LHFPL3: variants seen among roughly 807,000 people sequenced by gnomAD.
The protein encoded by LHFPL3 is LHFPL tetraspan subfamily member 3.
A neutral mutation model predicts 19.3 loss-of-function variants in LHFPL3; 5 were observed. The ratio of observed to expected loss-of-function variants is 0.26; its 90% CI spans 0.14 to 0.54. The LOEUF is 0.54. Among genes scored for constraint, LHFPL3 ranks in the 20% least tolerant of loss-of-function variants. LHFPL3 has a pLI of 0.94. For synonymous variants in LHFPL3, 133 were observed against 126.2 expected (o/e 1.05, Z -0.36); for missense variants, 249 against 307.4 (o/e 0.81, Z 1.42).
intron 1 of LHFPL3, among the ~76,000 whole-genome samples, chr7:104,454,661 G>T (rs1272461820): frequency 6.6e-6 from 1 of 152,126 alleles, no homozygotes; most frequent in Non-Finnish European, 1.5e-5. Context: ...CAGGGTTATT[G>T]GGGTAAATCA....
intron 1 of LHFPL3, among the ~76,000 whole-genome samples, chr7:104,453,577 A>G (rs907187058): frequency 2.0e-5 from 3 of 152,158 alleles, no homozygotes; most frequent in African/African-American, 7.2e-5. Context: ...AAGAAAAGGG[A>G]GGTTTAGGGA....
At chr7:104,343,012 G>T (rs78840523) in intron 1 of LHFPL3, among the ~76,000 whole-genome samples, 2,690 of 66,574 alleles carry the variant, frequency 0.04, 68 homozygotes, top group African/African-American at 0.13. Flanking sequence ...TTTTTTTTTT[G>T]CAAATTCTCT....
intron 1 of LHFPL3, among the ~76,000 whole-genome samples, chr7:104,367,985 T>C (rs2116423716): frequency 6.6e-6 from 1 of 152,372 alleles, no homozygotes; most frequent in South Asian, 2.1e-4. Context: ...TAGAAACTTG[T>C]CATTGCAATT....
intron 1 of LHFPL3, among the ~76,000 whole-genome samples, chr7:104,554,632 TAGATAGAC>T (rs1357367470): frequency 7.8e-4 from 109 of 140,216 alleles, no homozygotes; most frequent in African/African-American, 1.4e-3. Flanking sequence ...TAGGATAGAT[TAGATAGAC>T]AGATAGATAG....
intron 2 of LHFPL3, among the ~76,000 whole-genome samples, chr7:104,890,402 C>G (rs1002933203): frequency 6.6e-5 from 10 of 152,206 alleles, no homozygotes; most frequent in Admixed American, 3.3e-4. Flanking sequence ...CATCCCCTTC[C>G]TCCCCCGCAT....
At chr7:104,719,553 G>A (rs1048801951) in intron 1 of LHFPL3, among the ~76,000 whole-genome samples, 4 of 152,080 alleles carry the variant, frequency 2.6e-5, no homozygotes, top group Non-Finnish European at 4.4e-5. Flanking sequence ...TTGGCACTAC[G>A]TGTAAAATGA....
chr7:104,672,010 TC>T (rs1362922552), intron 1 of LHFPL3, among the ~76,000 whole-genome samples: 1 of 152,150 alleles, frequency 6.6e-6, no homozygotes, highest in East Asian at 1.9e-4. Context: ...GAAGGTTTAT[TC>T]TTTTGAATAC....
chr7:104,591,687 C>G (rs1359711438), intron 1 of LHFPL3, among the ~76,000 whole-genome samples: 1 of 152,176 alleles, frequency 6.6e-6, no homozygotes, highest in East Asian at 1.9e-4. Flanking sequence ...GGAAGTTCTC[C>G]TAGATAATGT....
chr7:104,668,727 C>CG (rs993356118), intron 1 of LHFPL3: 12 of 1,585,764 alleles, frequency 7.6e-6, no homozygotes, highest in Admixed American at 5.1e-5. Context: ...TCCCCCCCCC[C>CG]CCAAAGACCC....
At position 104,383,115 on chromosome 7, in the gene LHFPL3, C is replaced by T. The variant is rs576894712; in HGVS notation, c.445+53891C>T. The stretch of plus-strand genomic sequence containing the variant: ...CCGTAACAGCCTTGTCATCTGATAC[C>T]AACAGTGACAACTCATGAGATTTTT... On this transcript the variant is annotated intron_variant, in intron 1 of 2. Coordinates refer to ENST00000424859, the MANE Select transcript of LHFPL3 (RefSeq NM_199000.3). Among the ~76,000 whole-genome samples the T allele has an allele frequency of 2.6e-5, 4 of 152,340 alleles. No homozygotes were observed. In the East Asian group the frequency reaches 7.7e-4, roughly 29 times the overall value.
intron 1 of LHFPL3, among the ~76,000 whole-genome samples, chr7:104,662,234 G>A (rs1792237206): frequency 6.6e-6 from 1 of 152,164 alleles, no homozygotes; most frequent in African/African-American, 2.4e-5. Context: ...ATAACTCTGA[G>A]ACAAAAACAG....
chr7:104,362,272 A>G (rs1489358104), intron 1 of LHFPL3, among the ~76,000 whole-genome samples: 1 of 152,164 alleles, frequency 6.6e-6, no homozygotes, highest in Non-Finnish European at 1.5e-5. Flanking sequence ...CTGGGGCTCT[A>G]TCTGCTGGGG....
At chr7:104,434,500 GT>G (rs1470402403) in intron 1 of LHFPL3, among the ~76,000 whole-genome samples, 3 of 152,254 alleles carry the variant, frequency 2.0e-5, no homozygotes, top group African/African-American at 7.2e-5. Context: ...TAATGGACTG[GT>G]TTCAATGTGT....
At chr7:104,724,119 G>T (rs1793545431) in intron 1 of LHFPL3, among the ~76,000 whole-genome samples, 1 of 151,524 alleles carries the variant, frequency 6.6e-6, no homozygotes, top group Non-Finnish European at 1.5e-5. Flanking sequence ...ATTAGGAGCA[G>T]CTGTTAGTTT....
At chr7:104,527,485 AAGGGGAAC>A in intron 1 of LHFPL3, among the ~76,000 whole-genome samples, 1 of 152,204 alleles carries the variant, frequency 6.6e-6, no homozygotes, top group South Asian at 2.1e-4. Flanking sequence ...ATTGGAGACC[AAGGGGAAC>A]AGAGTTTCTG....
intron 1 of LHFPL3, among the ~76,000 whole-genome samples, chr7:104,469,369 A>G (rs1304739499): frequency 6.6e-6 from 1 of 152,164 alleles, no homozygotes; most frequent in Non-Finnish European, 1.5e-5. Flanking sequence ...AGCATTATAC[A>G]GTGCTACTCA....
chr7:104,876,224 G>A (rs925876006), intron 2 of LHFPL3, among the ~76,000 whole-genome samples: 48 of 152,124 alleles, frequency 3.2e-4, no homozygotes, highest in African/African-American at 9.9e-4. Flanking sequence ...GCATGGGCAA[G>A]GACTTCATGT....
At chr7:104,782,943 C>A (rs962495989) in intron 2 of LHFPL3, among the ~76,000 whole-genome samples, 1 of 152,248 alleles carries the variant, frequency 6.6e-6, no homozygotes, top group Non-Finnish European at 1.5e-5. Flanking sequence ...CAAGTGCGCA[C>A]GCGCGCACAC....
At chr7:104,468,718 G>T (rs1183947474) in intron 1 of LHFPL3, among the ~76,000 whole-genome samples, 1 of 150,772 alleles carries the variant, frequency 6.6e-6, no homozygotes, top group Non-Finnish European at 1.5e-5. Flanking sequence ...GAGTGCAGTG[G>T]TGCGATCTCG....
Sources: allele counts gnomAD v4.1 joint callset (sites outside exome capture counted in the v4.1 genomes callset), GRCh38; gene constraint gnomAD v4.1.1; transcripts MANE v1.5; gene names NCBI Gene and HGNC (gene_info 2026-07-23, HGNC 2026-07-21).